CNOT1: variants seen among roughly 807,000 people sequenced by gnomAD.
CNOT1 encodes the protein CCR4-NOT transcription complex subunit 1.
Under a neutral mutation model 273.8 loss-of-function variants are expected in CNOT1, and 15 were observed. That is an observed-to-expected ratio of 0.05 (90% CI 0.04 to 0.08). CNOT1 has a LOEUF of 0.08. Ranked by LOEUF, CNOT1 falls within the 10% of genes least tolerant of loss-of-function variation. The pLI is 1.00. For missense variants in CNOT1, 1,644 were observed against 2,912.2 expected (o/e 0.56, Z 10.02); for synonymous variants, 1,022 against 1,005.5 (o/e 1.02, Z -0.31).
chr16:58,543,973 C>T (rs180786876), intron 30 of CNOT1, 70 bp from the exon 31 acceptor site: 12 of 1,496,532 alleles, frequency 8.0e-6, no homozygotes, highest in Middle Eastern at 2.1e-4. Flanking sequence ...CTGGCAATCA[C>T]ATTCATGATT....
chr16:58,575,811 T>C (rs928396480), intron 14 of CNOT1, among the ~76,000 whole-genome samples: 1 of 151,832 alleles, frequency 6.6e-6, no homozygotes, highest in African/African-American at 2.4e-5. Context: ...AAAAAAAAGA[T>C]ATAGAGTAAT....
intron 1 of CNOT1, among the ~76,000 whole-genome samples, chr16:58,623,853 G>C (rs1275415926): frequency 2.0e-5 from 3 of 152,014 alleles, no homozygotes; most frequent in African/African-American, 7.2e-5. Context: ...AGCCAGGTGT[G>C]GTGGCGCATG....
chr16:58,555,208 G>A lies in CNOT1; in HGVS notation c.2891+43C>T, dbSNP rs1568399. ...GGATGAGAGTTAAGACCCTGTCTGC[G>A]GGGTCAGGGAAGAGATCCTTCACAG... On this transcript the variant is annotated intron_variant, in intron 21 of 48. Transcript: ENST00000317147. 515,552 of 1,599,286 alleles carry A rather than the reference G, an allele frequency of 0.32. 90,035 individuals are homozygous for A. Among genetic ancestry groups the A allele is most frequent in the East Asian group, 0.61 (27,073 of 44,746 alleles).
chr16:58,585,018 C>T (rs1368476643), intron 8 of CNOT1, among the ~76,000 whole-genome samples: 1 of 152,098 alleles, frequency 6.6e-6, no homozygotes, highest in African/African-American at 2.4e-5. Flanking sequence ...AAGTGTAAAG[C>T]GATACAAGTT....
chr16:58,555,024 A>C (rs1261057696), intron 21 of CNOT1, among the ~76,000 whole-genome samples: 1 of 151,002 alleles, frequency 6.6e-6, no homozygotes, highest in Non-Finnish European at 1.5e-5. Flanking sequence ...GGAGTTTGAG[A>C]CCATGGTGAA....
Position 58,574,780 on chromosome 16 carries a change from C to T in CNOT1, c.1828-20G>A. 3.2e-6 allele frequency: 5 copies of T among 1,585,118 alleles called. No homozygotes were observed. Among genetic ancestry groups the T allele is most frequent in the Non-Finnish European group, 4.3e-6 (5 of 1,173,752 alleles). On this transcript the variant is annotated intron_variant, in intron 15 of 48. Transcript: ENST00000317147. ...AGGCTCCTGAAGAATAGAAAAGTCTCTCAGTGTATTTAAAATTGATCTTAA... is the reference window on the plus strand; with the variant it reads ...AGGCTCCTGAAGAATAGAAAAGTCTTTCAGTGTATTTAAAATTGATCTTAA...
At chr16:58,552,988 C>A (rs1304594024) in intron 22 of CNOT1, among the ~76,000 whole-genome samples, 1 of 152,106 alleles carries the variant, frequency 6.6e-6, no homozygotes, top group East Asian at 1.9e-4. Context: ...AAATAAGCAT[C>A]TCAGGCGGGC....
intron 1 of CNOT1, among the ~76,000 whole-genome samples, chr16:58,603,865 T>G (rs1210225577): frequency 2.0e-5 from 3 of 152,166 alleles, no homozygotes; most frequent in Non-Finnish European, 4.4e-5. Flanking sequence ...TCATATAAAC[T>G]AACACATATC....
At chr16:58,628,337 C>T (rs960037420) in intron 1 of CNOT1, among the ~76,000 whole-genome samples, 2 of 152,156 alleles carry the variant, frequency 1.3e-5, no homozygotes, top group African/African-American at 2.4e-5. Flanking sequence ...TACCACATGT[C>T]TTCTTAATAG....
Position 58,551,654 on chromosome 16 carries a change from T to C in CNOT1, c.3136A>G (p.Thr1046Ala), listed in dbSNP as rs1189944562. The C allele has an allele frequency of 6.2e-7, 1 of 1,614,068 alleles. No individual in the cohort carries two copies. The highest frequency in any genetic ancestry group is 1.3e-5 in the African/African-American group (1 of 74,932). The change falls in exon 23 of 49, where the codon ACC becomes GCC. Residue 1046 changes from threonine (T) to alanine (A), a missense_variant. By Grantham distance (58) the Thr-to-Ala change is moderately conservative. Transcript: ENST00000317147. ...ACCGTAACCGTTTTAGCAACAGTGG[T>C]AGTTGTTGAGGTGGTTACCATAGTG... ...VSTMVTTSTTTTVAKTVTVTR... is the reference protein window; with the variant it reads ...VSTMVTTSTTATVAKTVTVTR...
intron 16 of CNOT1, among the ~76,000 whole-genome samples, chr16:58,572,152 G>A (rs186028351): frequency 8.0e-5 from 12 of 150,926 alleles, no homozygotes; most frequent in African/African-American, 2.7e-4. Flanking sequence ...GCGTGGTGGC[G>A]CATGCCTGTA....
intron 8 of CNOT1, among the ~76,000 whole-genome samples, chr16:58,583,469 A>C (rs1031196962): frequency 1.3e-5 from 2 of 152,226 alleles, no homozygotes; most frequent in African/African-American, 4.8e-5. Context: ...ATGCAAAGGC[A>C]TAAGAATGAT....
At chr16:58,596,761 G>A (rs867057339) in intron 2 of CNOT1, among the ~76,000 whole-genome samples, 3 of 151,710 alleles carry the variant, frequency 2.0e-5, no homozygotes, top group East Asian at 3.9e-4. Context: ...GGTGGCGAGC[G>A]ACTGTAGTCC....
chr16:58,578,145 T>C (rs2041526125), intron 13 of CNOT1, among the ~76,000 whole-genome samples: 1 of 152,192 alleles, frequency 6.6e-6, no homozygotes, highest in South Asian at 2.1e-4. Flanking sequence ...ATACAGACCT[T>C]TCTTAATATT....
chr16:58,521,236 T>A lies in CNOT1; in HGVS notation c.6999A>T (p.Pro2333=). ...LITFIELIKN[P]AFKFWNHEFV... Reference sequence around the variant, plus strand: ...ATTCATGGTTCCAGAACTTAAACGCTGGGTTTTTAATCAGCTCAATGAAGG... The same window carrying A: ...ATTCATGGTTCCAGAACTTAAACGCAGGGTTTTTAATCAGCTCAATGAAGG... Residue 2333 remains proline, a synonymous_variant, in exon 48 of 49, where the codon CCA becomes CCT. Transcript: ENST00000317147. 1 of 1,614,178 alleles carries A rather than the reference T, an allele frequency of 6.2e-7. No individual in the cohort carries two copies. Among genetic ancestry groups the A allele is most frequent in the Non-Finnish European group, 8.5e-7 (1 of 1,180,030 alleles).
At chr16:58,629,441 G>A (rs1278686379) in intron 1 of CNOT1, among the ~76,000 whole-genome samples, 1 of 152,106 alleles carries the variant, frequency 6.6e-6, no homozygotes, top group Non-Finnish European at 1.5e-5. Flanking sequence ...CCAGGCCCGG[G>A]ACAGAGACCA....
intron 1 of CNOT1, among the ~76,000 whole-genome samples, chr16:58,600,018 G>A (rs1412609192): frequency 2.0e-5 from 3 of 151,744 alleles, no homozygotes; most frequent in Admixed American, 6.6e-5. Context: ...AGCTGAGATC[G>A]CGCCATTGCA....
chr16:58,603,731 C>G (rs2042563498), intron 1 of CNOT1, among the ~76,000 whole-genome samples: 1 of 152,034 alleles, frequency 6.6e-6, no homozygotes, highest in African/African-American at 2.4e-5. Context: ...TTCTTGTGGA[C>G]AGCAATATGG....
intron 35 of CNOT1, 109 bp downstream of exon 35, chr16:58,539,659 T>G (rs534010816): frequency 1.6e-5 from 18 of 1,158,620 alleles, no homozygotes; most frequent in Non-Finnish European, 2.0e-5. Flanking sequence ...AGAACTTGAT[T>G]TATATTATGA....
Sources: gnomAD v4.1 joint callset for allele counts (sites outside exome capture counted in the v4.1 genomes callset) on GRCh38, gnomAD v4.1.1 for gene constraint, MANE v1.5 for transcripts, NCBI Gene and HGNC (gene_info 2026-07-23, HGNC 2026-07-21) for gene names.